Variants in VAV2 observed in about 807,000 individuals in gnomAD.
VAV2 encodes vav guanine nucleotide exchange factor 2, also known as guanine nucleotide exchange factor VAV2.
VAV2 carries 67 observed loss-of-function variants against 132.5 expected under a neutral mutation model. The observed-to-expected ratio is 0.51, with a 90% CI of 0.42 to 0.62. The LOEUF is 0.62. Among genes scored for constraint, VAV2 ranks in the 20% least tolerant of loss-of-function variants. The pLI, the probability that VAV2 is intolerant of heterozygous loss-of-function variation, is 0.00. For synonymous variants in VAV2, 492 were observed against 443.5 expected, an observed-to-expected ratio of 1.11 and a Z score of -1.37; for missense variants, 938 against 1,153.6, an observed-to-expected ratio of 0.81 and a Z score of 2.71.
At chr9:133,937,424 C>CTGTGTGTG (rs374257075) in intron 2 of VAV2, among the ~76,000 whole-genome samples, 12 of 149,488 alleles carry the variant, frequency 8.0e-5, no homozygotes, top group Admixed American at 2.7e-4. Context: ...GACTGTATGT[C>CTGTGTGTG]TGTGTGTGTG....
At chr9:133,962,141 C>A (rs1480925416) in intron 1 of VAV2, among the ~76,000 whole-genome samples, 1 of 152,142 alleles carries the variant, frequency 6.6e-6, no homozygotes, top group East Asian at 1.9e-4. Context: ...CCCACCAGCT[C>A]CTCTATGGGA....
At chr9:133,816,525 C>CT (rs1322133787) in intron 4 of VAV2, among the ~76,000 whole-genome samples, 1 of 152,208 alleles carries the variant, frequency 6.6e-6, no homozygotes, top group Non-Finnish European at 1.5e-5. Context: ...GCAGGGTTCA[C>CT]TTTTTTCCCA....
chr9:133,806,696 C>T (rs928055068), intron 8 of VAV2, among the ~76,000 whole-genome samples: 1 of 152,228 alleles, frequency 6.6e-6, no homozygotes, highest in Non-Finnish European at 1.5e-5. Flanking sequence ...ACCCTTGCAG[C>T]TAATGAGACG....
intron 2 of VAV2, among the ~76,000 whole-genome samples, chr9:133,881,029 G>C (rs1838472880): frequency 6.6e-6 from 1 of 152,072 alleles, no homozygotes; most frequent in Non-Finnish European, 1.5e-5. Context: ...TCCATACAGG[G>C]GCAGGTTCAG....
rs1014645565 is a variant in VAV2, at chr9:133,804,895, G to A, written c.836+1186C>T. On this transcript the variant is annotated intron_variant, in intron 9 of 29. Transcript: ENST00000371850. The surrounding 1 kb of genome is among the most constrained non-coding windows in gnomAD (Gnocchi z 4.5). Reference sequence around the variant, plus strand: ...GCTCTCCTGGTCCCCTCTGCCACTGGACCACAAGCACTGCCTGCTCCCTCG... The same window carrying A: ...GCTCTCCTGGTCCCCTCTGCCACTGAACCACAAGCACTGCCTGCTCCCTCG... Among the ~76,000 whole-genome samples, 10 of 152,130 alleles carry A rather than the reference G, an allele frequency of 6.6e-5. No individual in the cohort carries two copies. Among genetic ancestry groups the A allele is most frequent in the Non-Finnish European group, 1.3e-4 (9 of 68,018 alleles).
intron 2 of VAV2, among the ~76,000 whole-genome samples, chr9:133,916,249 C>A (rs1052420884): frequency 6.6e-6 from 1 of 152,234 alleles, no homozygotes; most frequent in Non-Finnish European, 1.5e-5. Flanking sequence ...ACAGGCAACA[C>A]CGAGCTGGGC....
At chr9:133,956,247 G>A (rs1393480914) in intron 1 of VAV2, among the ~76,000 whole-genome samples, 2 of 152,092 alleles carry the variant, frequency 1.3e-5, no homozygotes, top group Non-Finnish European at 2.9e-5. Context: ...TCAGGAACTC[G>A]ATGATCTCCA....
At position 133,935,616 on chromosome 9, in the gene VAV2, G is replaced by A. The variant is rs554249098; in HGVS notation, c.321+3487C>T. Among the ~76,000 whole-genome samples, 34 of 152,356 alleles carry A rather than the reference G, an allele frequency of 2.2e-4. No homozygotes were observed. Among genetic ancestry groups the A allele is most frequent in the African/African-American group, 7.0e-4 (29 of 41,582 alleles). ...TTTGTTTTTCCAGAACACCTGTCCC[G>A]GAGAAGCCAGGAGGCGCTGGCAGAG... is the stretch of plus-strand genomic sequence containing the variant. On this transcript the variant is annotated intron_variant, in intron 2 of 29. Coordinates refer to ENST00000371850, the MANE Select transcript of VAV2 (RefSeq NM_001134398.2). The surrounding 1 kb of genome is among the most constrained non-coding windows in gnomAD (Gnocchi z 5.2).
In VAV2 at chr9:133,809,107, T is replaced by G. The variant is rs777730106; in HGVS notation, c.599A>C (p.Asn200Thr). Reference protein sequence around the residue: ...KMGMTEDDKRNCCLLEIQETE... With the variant: ...KMGMTEDDKRTCCLLEIQETE... ...CTCCTGGATCTCCAGCAGGCAGCAG[T>G]TCCTCTTGTCATCTTCAGTCATGCC... Residue 200 changes from asparagine (N) to threonine (T), a missense_variant, in exon 7 of 30, where the codon AAC becomes ACC. By Grantham distance (65) the Asn-to-Thr change is moderately conservative (BLOSUM62 0). Transcript: ENST00000371850. 4 of 1,613,970 alleles carry G rather than the reference T, an allele frequency of 2.5e-6. No homozygotes were observed. The highest frequency in any genetic ancestry group is 2.5e-6 in the Non-Finnish European group (3 of 1,179,926).
rs973248641 is a variant in VAV2 at position 133,912,926 on chromosome 9, A to G, written c.321+26177T>C. ...CTGGTGACTTTAAGGAGGAAAATCC[A>G]ACTTCAGCCAGCACAGTCCACGGGC... is the stretch of plus-strand genomic sequence containing the variant. On this transcript the variant is annotated intron_variant, in intron 2 of 29. Transcript: ENST00000371850. This position sits in a 1 kb window ranked among gnomAD's most constrained non-coding sequence, Gnocchi z 4.3. Among the ~76,000 whole-genome samples, 1 of 152,172 alleles carries G rather than the reference A, an allele frequency of 6.6e-6. No individual in the cohort carries two copies. Among genetic ancestry groups the G allele is most frequent in the African/African-American group, 2.4e-5 (1 of 41,440 alleles).
At chr9:133,799,305 C>T (rs1475519406) in intron 9 of VAV2, among the ~76,000 whole-genome samples, 1 of 152,244 alleles carries the variant, frequency 6.6e-6, no homozygotes. Flanking sequence ...ACGGCCAGGG[C>T]CGCCAGAGGC....
chr9:133,829,166 T>C (rs1836167465), intron 4 of VAV2, among the ~76,000 whole-genome samples: 1 of 152,264 alleles, frequency 6.6e-6, no homozygotes, highest in African/African-American at 2.4e-5. Context: ...AAAGCCATTA[T>C]GCAAATGCAA....
In VAV2 at chr9:133,883,771, C is replaced by T. The variant is rs915081713; in HGVS notation, c.322-22339G>A. On this transcript the variant is annotated intron_variant, in intron 2 of 29. Transcript: ENST00000371850. The surrounding 1 kb of genome is among the most constrained non-coding windows in gnomAD (Gnocchi z 4.2). The stretch of plus-strand genomic sequence containing the variant: ...CGAGAAGCCCTCCCGGGATCCAGTG[C>T]CACTGTGAGGCTCAAGTACACCCCA... Among the ~76,000 whole-genome samples the T allele has an allele frequency of 6.6e-6, 1 of 152,200 alleles. No homozygotes were observed. Among genetic ancestry groups the T allele is most frequent in the Non-Finnish European group, 1.5e-5 (1 of 68,040 alleles).
intron 3 of VAV2, among the ~76,000 whole-genome samples, chr9:133,851,916 GAT>G (rs1837198275): frequency 7.1e-6 from 1 of 141,458 alleles, no homozygotes; most frequent in Non-Finnish European, 1.5e-5. Context: ...TGGGTGGATG[GAT>G]GGATGGATGG....
chr9:133,943,251 C>G (rs1258738552), intron 1 of VAV2, among the ~76,000 whole-genome samples: 1 of 152,172 alleles, frequency 6.6e-6, no homozygotes, highest in African/African-American at 2.4e-5. Flanking sequence ...GGTCCAGGTT[C>G]TAGACAGAGA....
intron 2 of VAV2, among the ~76,000 whole-genome samples, chr9:133,894,852 C>T (rs1461000649): frequency 6.6e-6 from 1 of 152,196 alleles, no homozygotes; most frequent in South Asian, 2.1e-4. Context: ...GACGCTATGA[C>T]CCTAGGCAGG....
rs1445482924 is a variant in VAV2, at chr9:133,952,869, G to A, written c.205-13650C>T. ...AGAACCTGGAGGGAGCATGGCCCCC[G>A]GGACACCTAGAACCTGGAGGGAGCA... On this transcript the variant is annotated intron_variant, in intron 1 of 29. Transcript: ENST00000371850. 2.0e-4 allele frequency among the ~76,000 whole-genome samples: 16 copies of A among 81,552 alleles called. No individual in the cohort carries two copies. In the South Asian group the frequency reaches 4.8e-3, roughly 24 times the overall value. 53.5% of individuals were successfully genotyped at this position (81,552 alleles called of 152,430 possible).
chr9:133,781,413 T>C (rs181773104), intron 19 of VAV2, among the ~76,000 whole-genome samples: 3 of 152,156 alleles, frequency 2.0e-5, no homozygotes, highest in African/African-American at 7.2e-5. Flanking sequence ...GCACTCACAG[T>C]GCAGACAGCT....
intron 3 of VAV2, among the ~76,000 whole-genome samples, chr9:133,851,804 G>GATGA (rs148591373): frequency 0.092 from 13,266 of 143,708 alleles, 1,580 homozygotes; most frequent in African/African-American, 0.3. Context: ...TGAATAAATG[G>GATGA]ATGGATGGAT....
Sources: allele counts gnomAD v4.1 joint callset (sites outside exome capture counted in the v4.1 genomes callset), GRCh38; gene constraint gnomAD v4.1.1; non-coding constraint Gnocchi (gnomAD v3.1); transcripts MANE v1.5; gene names NCBI Gene and HGNC (gene_info 2026-07-23, HGNC 2026-07-21).